TCF4: variants seen among roughly 807,000 people sequenced by gnomAD.
The protein encoded by TCF4 is SL3-3 enhancer factor 2.
TCF4 carries 3 observed loss-of-function variants against 82.1 expected under a neutral mutation model. The ratio of observed to expected loss-of-function variants is 0.04; its 90% CI spans 0.02 to 0.09. The LOEUF is 0.09. Among genes scored for constraint, TCF4 ranks in the 10% least tolerant of loss-of-function variants. The pLI is 1.00. For missense variants in TCF4, 518 were observed against 852.7 expected (o/e 0.61, Z 4.89); for synonymous variants, 276 against 309.6 (o/e 0.89, Z 1.14).
At chr18:55,580,090 A>C (rs559179844) in intron 3 of TCF4, among the ~76,000 whole-genome samples, 3 of 152,130 alleles carry the variant, frequency 2.0e-5, no homozygotes, top group Admixed American at 2.0e-4. Context: ...TAAGCATTTC[A>C]GTTTCAACAG....
chr18:55,544,862 C>T (rs1047020052), intron 3 of TCF4, among the ~76,000 whole-genome samples: 2 of 152,072 alleles, frequency 1.3e-5, no homozygotes, highest in African/African-American at 2.4e-5. Flanking sequence ...ACTCGGAGAG[C>T]GGATACAGGA....
chr18:55,362,703 A>G (rs1439078914), intron 6 of TCF4, among the ~76,000 whole-genome samples: 1 of 152,230 alleles, frequency 6.6e-6, no homozygotes, highest in East Asian at 1.9e-4. Context: ...TAGGACTGTG[A>G]TCTTTAAGTT....
intron 2 of TCF4, among the ~76,000 whole-genome samples, chr18:55,611,753 T>C (rs2097707215): frequency 6.6e-6 from 1 of 152,144 alleles, no homozygotes; most frequent in Non-Finnish European, 1.5e-5. Context: ...ATAAAATCAA[T>C]GTAAAAATAT....
chr18:55,252,445 G>A (rs1044742873), intron 15 of TCF4, among the ~76,000 whole-genome samples: 8 of 151,522 alleles, frequency 5.3e-5, no homozygotes, highest in African/African-American at 1.7e-4. Flanking sequence ...TTTTTCTACC[G>A]TTCTATTCAG....
intron 3 of TCF4, among the ~76,000 whole-genome samples, chr18:55,552,592 G>C (rs1170203473): frequency 1.3e-5 from 2 of 152,244 alleles, no homozygotes; most frequent in Non-Finnish European, 2.9e-5. Flanking sequence ...GGACACACCA[G>C]TGCTGACTGT....
At chr18:55,381,219 T>C (rs2091852079) in intron 6 of TCF4, among the ~76,000 whole-genome samples, 2 of 152,244 alleles carry the variant, frequency 1.3e-5, no homozygotes, top group African/African-American at 4.8e-5. Flanking sequence ...GTATTAAATT[T>C]ACATTCTTAC....
At chr18:55,266,656 G>T (rs1346777396) in intron 11 of TCF4, 1 of 144,136 alleles carries the variant, frequency 6.9e-6, no homozygotes, top group Non-Finnish European at 1.5e-5. Flanking sequence ...AATGTGTCAT[G>T]AAAAAAAAAA....
intron 3 of TCF4, chr18:55,492,086 G>A (rs2096582882): frequency 6.6e-6 from 1 of 152,122 alleles, no homozygotes; most frequent in Non-Finnish European, 1.5e-5. Flanking sequence ...CAGCCCTGAG[G>A]AAATCTAGGG....
intron 8 of TCF4, among the ~76,000 whole-genome samples, chr18:55,300,183 GAACT>G (rs2067762666): frequency 6.6e-6 from 1 of 151,922 alleles, no homozygotes; most frequent in Non-Finnish European, 1.5e-5. Context: ...TTAACAATCT[GAACT>G]AACAGCCATT....
In TCF4 at chr18:55,225,265, T is replaced by C. The variant is rs1418994713; in HGVS notation, c.*2770A>G. 1 of 152,602 alleles carries C rather than the reference T, an allele frequency of 6.6e-6. No individual in the cohort carries two copies. The highest frequency in any genetic ancestry group is 1.9e-4 in the East Asian group (1 of 5,200). 9.5% of individuals were successfully genotyped at this position (152,602 alleles called of 1,614,324 possible). The stretch of plus-strand genomic sequence containing the variant: ...TGAATACATCAAAGCTGGTGAACAA[T>C]AAATTGCAGCTTTTACTCTGAGTGA... On this transcript the variant is annotated 3_prime_UTR_variant, in exon 20 of 20. Transcript: ENST00000354452.
intron 8 of TCF4, among the ~76,000 whole-genome samples, chr18:55,315,058 C>G (rs895830868): frequency 1.3e-5 from 2 of 152,104 alleles, no homozygotes; most frequent in Non-Finnish European, 2.9e-5. Flanking sequence ...CCTCAACATG[C>G]CCTCTCTCAA....
rs746408837 is a variant in TCF4 at position 55,261,478 on chromosome 18, T to C, written c.978A>G (p.Lys326=). The C allele has an allele frequency of 6.2e-7, 1 of 1,613,944 alleles. No homozygotes were observed. The highest frequency in any genetic ancestry group is 8.5e-7 in the Non-Finnish European group (1 of 1,179,862). Residue 326 remains lysine (K), a synonymous_variant, in exon 12 of 20, where the codon AAA becomes AAG. Transcript: ENST00000354452. The stretch of plus-strand genomic sequence containing the variant: ...AATATTTCCTCACCGAAGCAAGTGC[T>C]TTCCCCAGAGCATCTCCAGTCTGGG... ...GSSQTGDALG[K]ALASIYSPDH...
chr18:55,344,447 T>C (rs568368847), intron 8 of TCF4, among the ~76,000 whole-genome samples: 91 of 152,202 alleles, frequency 6.0e-4, no homozygotes, highest in Non-Finnish European at 9.1e-4. Flanking sequence ...CCTGCAGTGG[T>C]TTCCTACACT....
intron 8 of TCF4, among the ~76,000 whole-genome samples, chr18:55,347,949 C>T (rs1055152745): frequency 2.0e-5 from 3 of 152,086 alleles, no homozygotes; most frequent in Admixed American, 6.5e-5. Flanking sequence ...AATACTCATA[C>T]ATACTGAAAC....
At chr18:55,452,444 G>A (rs1480698317) in intron 5 of TCF4, 3 of 152,408 alleles carry the variant, frequency 2.0e-5, no homozygotes, top group Non-Finnish European at 2.9e-5. Context: ...TTGGGCAATG[G>A]TCCAGGAGAA....
At chr18:55,484,842 C>G (rs1317410461) in intron 3 of TCF4, among the ~76,000 whole-genome samples, 1 of 152,200 alleles carries the variant, frequency 6.6e-6, no homozygotes. Context: ...TTCTCTTCTT[C>G]CTTCTTAGTA....
At chr18:55,615,723 G>A (rs1360852767) in intron 2 of TCF4, among the ~76,000 whole-genome samples, 1 of 152,058 alleles carries the variant, frequency 6.6e-6, no homozygotes, top group East Asian at 1.9e-4. Flanking sequence ...GGGGAGTTTA[G>A]TTAGGAATAG....
intron 2 of TCF4, among the ~76,000 whole-genome samples, chr18:55,603,455 T>C (rs2097699280): frequency 6.6e-6 from 1 of 152,192 alleles, no homozygotes; most frequent in East Asian, 1.9e-4. Context: ...TACTTAAGAA[T>C]TAAGTTAGGT....
At chr18:55,403,608 G>T (rs780591313) in intron 5 of TCF4, 90 bp from the exon 6 acceptor site, 5 of 1,612,018 alleles carry the variant, frequency 3.1e-6, no homozygotes, top group Non-Finnish European at 4.2e-6. Flanking sequence ...GCTCTTCCCC[G>T]ATGTTTACAT....
Sources: allele counts gnomAD v4.1 joint callset (sites outside exome capture counted in the v4.1 genomes callset), GRCh38; gene constraint gnomAD v4.1.1; transcripts MANE v1.5; gene names NCBI Gene and HGNC (gene_info 2026-07-23, HGNC 2026-07-21).